Variants in CCDC117 observed in about 807,000 individuals in gnomAD.
CCDC117 encodes the protein coiled-coil domain containing 117.
CCDC117 carries 1 observed loss-of-function variant against 23.5 expected under a neutral mutation model. The observed-to-expected ratio is 0.04, with a 90% CI of 0.02 to 0.20. The LOEUF (loss-of-function observed/expected upper bound fraction) is 0.20. CCDC117 is among the 10% of genes least tolerant of loss of function. The pLI is 1.00. For missense variants in CCDC117, 383 were observed against 348.2 expected (o/e 1.10, Z -0.80); for synonymous variants, 132 against 124.8 (o/e 1.06, Z -0.39).
At chr22:28,777,034 GTTTTT>G (rs573843364) in intron 2 of CCDC117, among the ~76,000 whole-genome samples, 1 of 128,436 alleles carries the variant, frequency 7.8e-6, no homozygotes, top group Non-Finnish European at 1.6e-5. Flanking sequence ...TACTGTAGCT[GTTTTT>G]TTTTTTTTTT....
At chr22:28,785,924 TAAA>T (rs35631283) in intron 4 of CCDC117, among the ~76,000 whole-genome samples, 162 bp from the exon 5 acceptor site, 2 of 136,014 alleles carry the variant, frequency 1.5e-5, no homozygotes, top group Admixed American at 7.4e-5. Flanking sequence ...CCCCATCTCT[TAAA>T]AAAAAAAAAA....
intron 4 of CCDC117, 114 bp from the exon 5 acceptor site, chr22:28,785,975 C>T: frequency 1.4e-6 from 1 of 699,856 alleles, no homozygotes; most frequent in Non-Finnish European, 2.5e-6. Context: ...TTCTAAATCT[C>T]CTGTTTTGCT....
chr22:28,772,712 G>A lies in CCDC117; in HGVS notation c.-138G>A, dbSNP rs2031016251. ...ATGCCCCCGAGCGGCCTGAGGTGGA[G>A]GGTTCTAGAAGGCGTGACGTGGGGT... On this transcript the variant is annotated 5_prime_UTR_variant, in exon 1 of 5. Transcript: ENST00000249064. 1.6e-6 allele frequency: 1 copy of A among 623,924 alleles called. No individual in the cohort carries two copies. The highest frequency in any genetic ancestry group is 4.6e-5 in the Admixed American group (1 of 21,756). 38.6% of individuals were successfully genotyped at this position (623,924 alleles called of 1,614,324 possible).
At position 28,772,899 on chromosome 22, in the gene CCDC117, C is replaced by G; in HGVS notation, c.50C>G (p.Ser17Trp). ...PFSGLPLSGG[S>W]DFLQPPQPAF... ...AGCGGCCTCCCTCTGAGCGGCGGCT[C>G]GGACTTCCTGCAGCCGCCGCAGCCG... The change falls in exon 1 of 5, where the codon TCG becomes TGG. Residue 17 changes from serine to tryptophan, a missense_variant. Transcript: ENST00000249064. The G allele has an allele frequency of 8.1e-7, 1 of 1,233,052 alleles. No individual in the cohort carries two copies. Among genetic ancestry groups the G allele is most frequent in the East Asian group, 3.2e-5 (1 of 31,060 alleles). The allele number at this position is 1,233,052 out of a possible 1,614,324, so 76.4% of individuals were successfully genotyped here.
intron 2 of CCDC117, 37 bp downstream of exon 2, chr22:28,773,815 C>T: frequency 1.3e-6 from 2 of 1,523,850 alleles, no homozygotes; most frequent in Non-Finnish European, 1.8e-6. Context: ...TCTGTGGTCA[C>T]CGTTAGTTGA....
Position 28,781,330 on chromosome 22 carries a change from G to GTTTTGTTTTT in CCDC117, c.464+163_464+172dup, listed in dbSNP as rs2031313799. On this transcript the variant is annotated intron_variant, in intron 3 of 4. Coordinates refer to ENST00000249064, the MANE Select transcript of CCDC117 (RefSeq NM_173510.4). Reference sequence around the variant, plus strand: ...AAAGTGTATTCGTTTTTGTTTTTTTGTTTTGTTTTTTTTTTTTTTTTTTTT... The same window carrying GTTTTGTTTTT: ...AAAGTGTATTCGTTTTTGTTTTTTTGTTTTGTTTTTTTTTGTTTTTTTTTTTTTTTTTTTT... Among the ~76,000 whole-genome samples, 3 of 37,664 alleles carry GTTTTGTTTTT rather than the reference G, an allele frequency of 8.0e-5. 1 individual carries two copies. Among genetic ancestry groups the GTTTTGTTTTT allele is most frequent in the African/African-American group, 2.9e-4 (2 of 6,802 alleles). The allele number at this position is 37,664 out of a possible 152,430, so 24.7% of individuals were successfully genotyped here. A position where few individuals can be genotyped will look rare whatever the true frequency, so the allele number is the denominator to read the frequency against.
At chr22:28,779,240 C>T (rs890798826) in intron 2 of CCDC117, among the ~76,000 whole-genome samples, 1 of 152,068 alleles carries the variant, frequency 6.6e-6, no homozygotes, top group Non-Finnish European at 1.5e-5. Context: ...CTTGGTCTGT[C>T]GCCCAGGCTG....
chr22:28,788,196 T>C lies in CCDC117; in HGVS notation c.*1870T>C, dbSNP rs1186444966. On this transcript the variant is annotated 3_prime_UTR_variant, in exon 5 of 5. Transcript: ENST00000249064. Reference sequence around the variant, plus strand: ...ATTTCGAGATGAATGTAAACTGTATTCTTTTGAAATGTGCAAGTGTTTGAT... The same window carrying C: ...ATTTCGAGATGAATGTAAACTGTATCCTTTTGAAATGTGCAAGTGTTTGAT... 2 of 152,680 alleles carry C rather than the reference T, an allele frequency of 1.3e-5. No individual in the cohort carries two copies. The highest frequency in any genetic ancestry group is 4.8e-5 in the African/African-American group (2 of 41,450). The allele number at this position is 152,680 out of a possible 1,614,324, so 9.5% of individuals were successfully genotyped here.
Position 28,788,276 on chromosome 22 carries a change from G to T in CCDC117, c.*1950G>T, listed in dbSNP as rs2146258887. 6.5e-6 allele frequency: 1 copy of T among 152,738 alleles called. No homozygotes were observed. Among genetic ancestry groups the T allele is most frequent in the East Asian group, 1.9e-4 (1 of 5,190 alleles). 9.5% of individuals were successfully genotyped at this position (152,738 alleles called of 1,614,324 possible). A position where few individuals can be genotyped will look rare whatever the true frequency, so the allele number is the denominator to read the frequency against. On this transcript the variant is annotated 3_prime_UTR_variant, in exon 5 of 5. Transcript: ENST00000249064. ...AGTCATTGTTTGATGGGACCAACTTGTAAAGTATGAGCCTTAAATAAATCT... is the reference window on the plus strand; with the variant it reads ...AGTCATTGTTTGATGGGACCAACTTTTAAAGTATGAGCCTTAAATAAATCT...
At position 28,789,077 on chromosome 22, in the gene CCDC117, A is replaced by G. The variant is rs567117769; in HGVS notation, c.*2751A>G. The G allele has an allele frequency of 2.0e-5, 3 of 151,642 alleles. No individual in the cohort carries two copies. In the East Asian group the frequency reaches 5.9e-4, roughly 30 times the overall value. 9.4% of individuals were successfully genotyped at this position (151,642 alleles called of 1,614,324 possible). On this transcript the variant is annotated 3_prime_UTR_variant, in exon 5 of 5. Transcript: ENST00000249064. ...TTGAAAAGGTACACATGTAAAATTT[A>G]GGAAAATAACTAAAGTAGGGGCTGG...
chr22:28,784,771 T>TTTG (rs996954836), intron 4 of CCDC117, among the ~76,000 whole-genome samples: 16 of 152,164 alleles, frequency 1.1e-4, no homozygotes, highest in South Asian at 6.2e-4. Flanking sequence ...TCTCGTTTTT[T>TTTG]TTGTTGTTGT....
intron 3 of CCDC117, among the ~76,000 whole-genome samples, chr22:28,782,532 G>A (rs993637493): frequency 2.6e-5 from 4 of 152,000 alleles, no homozygotes; most frequent in African/African-American, 4.8e-5. Flanking sequence ...TCCACCTCCC[G>A]GGTTCAGGCG....
At chr22:28,773,964 C>CTT (rs1232797317) in intron 2 of CCDC117, among the ~76,000 whole-genome samples, 186 bp downstream of exon 2, 1 of 152,080 alleles carries the variant, frequency 6.6e-6, no homozygotes, top group Admixed American at 6.6e-5. Flanking sequence ...CAGAGGGAAA[C>CTT]TTTTCGCTCT....
intron 2 of CCDC117, among the ~76,000 whole-genome samples, chr22:28,779,889 A>G (rs1003876574): frequency 3.9e-5 from 6 of 152,244 alleles, no homozygotes; most frequent in African/African-American, 1.4e-4. Flanking sequence ...TGGTCTACGT[A>G]CATAATAGAA....
At chr22:28,774,551 T>C (rs193055082) in intron 2 of CCDC117, among the ~76,000 whole-genome samples, 1 of 151,880 alleles carries the variant, frequency 6.6e-6, no homozygotes, top group Non-Finnish European at 1.5e-5. Context: ...TTTTAAAAAA[T>C]TTTTTGTAGA....
rs958550565 is a variant in CCDC117, at chr22:28,773,053, G to C, written c.185+19G>C. The C allele has an allele frequency of 8.3e-5, 89 of 1,068,144 alleles. No homozygotes were observed. The highest frequency in any genetic ancestry group is 7.9e-4 in the Middle Eastern group (2 of 2,540). 66.2% of individuals were successfully genotyped at this position (1,068,144 alleles called of 1,614,324 possible). A position where few individuals can be genotyped will look rare whatever the true frequency, so the allele number is the denominator to read the frequency against. On this transcript the variant is annotated intron_variant, in intron 1 of 4. Transcript: ENST00000249064. ...GCGGACGGTGAGGAGCCCGTCGGGC[G>C]CAGGGCGCAGGGCGGGCGGGCGGGC...
intron 2 of CCDC117, among the ~76,000 whole-genome samples, chr22:28,776,076 A>C (rs1460564611): frequency 6.6e-6 from 1 of 152,154 alleles, no homozygotes; most frequent in African/African-American, 2.4e-5. Flanking sequence ...GTAGGAGTGT[A>C]AATTGGGACC....
At position 28,786,101 on chromosome 22, in the gene CCDC117, C is replaced by T; in HGVS notation, c.615C>T (p.Ser205=). ...TTTTATGTCTTAGGAGCCGTCCTTC[C>T]ATGGAGCTTGTTCTCTGGAAACCCC... ...KKMIESMSRP[S]MELVLWKPLP... The change falls in exon 5 of 5, where the codon TCC becomes TCT. Residue 205 remains serine (S), a synonymous_variant. Coordinates refer to ENST00000249064, the MANE Select transcript of CCDC117 (RefSeq NM_173510.4). The T allele has an allele frequency of 6.2e-7, 1 of 1,606,730 alleles. No homozygotes were observed. Among genetic ancestry groups the T allele is most frequent in the Non-Finnish European group, 8.5e-7 (1 of 1,178,120 alleles).
At chr22:28,782,039 C>G (rs1418206642) in intron 3 of CCDC117, among the ~76,000 whole-genome samples, 2 of 149,066 alleles carry the variant, frequency 1.3e-5, no homozygotes, top group African/African-American at 5.0e-5. Flanking sequence ...TCAGGCTCAA[C>G]CCATCTGCCC....
Sources: allele counts gnomAD v4.1 joint callset (sites outside exome capture counted in the v4.1 genomes callset), GRCh38; gene constraint gnomAD v4.1.1; transcripts MANE v1.5; gene names NCBI Gene and HGNC (gene_info 2026-07-23, HGNC 2026-07-21).